The following ITPR2 variants were observed in gnomAD, a reference collection of about 807,000 sequenced individuals.
The protein encoded by ITPR2 is inositol 1,4,5-trisphosphate receptor type 2.
Under a neutral mutation model 317.1 loss-of-function variants are expected in ITPR2, and 207 were observed. The observed-to-expected ratio is 0.65, with a 90% CI of 0.58 to 0.73. ITPR2 has a LOEUF of 0.73. ITPR2 is among the 30% of genes least tolerant of loss of function. The pLI is 0.00. For synonymous variants in ITPR2, 1,156 were observed against 1,149.1 expected (o/e 1.01, Z -0.12); for missense variants, 2,613 against 3,284.0 (o/e 0.80, Z 4.99).
chr12:26,602,948 T>G (rs1397857526), intron 26 of ITPR2, among the ~76,000 whole-genome samples: 4 of 152,230 alleles, frequency 2.6e-5, no homozygotes, highest in African/African-American at 9.6e-5. Flanking sequence ...TATAATTATA[T>G]GAGTTAAATT....
chr12:26,671,073 T>A (rs370720715), intron 13 of ITPR2, among the ~76,000 whole-genome samples: 3 of 152,006 alleles, frequency 2.0e-5, no homozygotes. Flanking sequence ...CTACGTCTGA[T>A]TGGTGTACCT....
At chr12:26,498,011 C>A (rs930313520) in intron 37 of ITPR2, among the ~76,000 whole-genome samples, 1 of 152,212 alleles carries the variant, frequency 6.6e-6, no homozygotes, top group Non-Finnish European at 1.5e-5. Flanking sequence ...GCTGGGATTA[C>A]AGGCATGAGC....
chr12:26,351,852 T>G (rs1234163557), intron 55 of ITPR2, among the ~76,000 whole-genome samples: 1 of 152,372 alleles, frequency 6.6e-6, no homozygotes, highest in South Asian at 2.1e-4. Flanking sequence ...ATCTGAGTTA[T>G]CATCTCCTGT....
intron 54 of ITPR2, among the ~76,000 whole-genome samples, chr12:26,388,445 C>A (rs1305293035): frequency 6.6e-6 from 1 of 152,014 alleles, no homozygotes; most frequent in Non-Finnish European, 1.5e-5. Flanking sequence ...TAAGTTCACT[C>A]AGGGATGTAG....
intron 39 of ITPR2, 135 bp downstream of exon 39, chr12:26,494,018 T>C: frequency 1.7e-6 from 1 of 590,094 alleles, no homozygotes; most frequent in Non-Finnish European, 2.7e-6. Context: ...TTAAGAAAAG[T>C]GTGATACATG....
chr12:26,758,252 T>C (rs771163016), intron 2 of ITPR2, among the ~76,000 whole-genome samples: 1 of 152,256 alleles, frequency 6.6e-6, no homozygotes, highest in African/African-American at 2.4e-5. Flanking sequence ...TCATTTAATA[T>C]ACATTGATGT....
At chr12:26,589,367 C>T (rs1565623603) in intron 32 of ITPR2, among the ~76,000 whole-genome samples, 1 of 152,072 alleles carries the variant, frequency 6.6e-6, no homozygotes, top group Non-Finnish European at 1.5e-5. Flanking sequence ...TGACTTTAGA[C>T]AGCTTTACTC....
At chr12:26,448,339 T>G (rs1941660336) in intron 45 of ITPR2, among the ~76,000 whole-genome samples, 1 of 150,916 alleles carries the variant, frequency 6.6e-6, no homozygotes, top group South Asian at 2.1e-4. Context: ...TTTGGGCAAC[T>G]GCATTGAATG....
chr12:26,528,520 A>G (rs78440544), intron 37 of ITPR2, among the ~76,000 whole-genome samples: 1 of 152,242 alleles, frequency 6.6e-6, no homozygotes, highest in African/African-American at 2.4e-5. Context: ...ATTTCTTCAC[A>G]GGTCACTGAA....
At chr12:26,632,581 C>T (rs1946779770) in intron 21 of ITPR2, among the ~76,000 whole-genome samples, 3 of 152,102 alleles carry the variant, frequency 2.0e-5, no homozygotes, top group Admixed American at 6.6e-5. Flanking sequence ...GGACTGTTAC[C>T]TTTATTTTAA....
Position 26,666,018 on chromosome 12 carries a change from G to A in ITPR2, c.1443C>T (p.Phe481=). The A allele has an allele frequency of 1.2e-6, 2 of 1,612,538 alleles. No homozygotes were observed. The highest frequency in any genetic ancestry group is 1.7e-6 in the Non-Finnish European group (2 of 1,179,138). Residue 481 remains phenylalanine, a synonymous_variant, in exon 14 of 57, where the codon TTC becomes TTT. Transcript: ENST00000381340. ...CATTATTAGGCACATCAGCAACAAA[G>A]AATATGAGATCTTCCAATAATTTGG... ...FVTKLLEDLI[F]FVADVPNNGQ... is the part of the protein sequence containing the mutation.
intron 21 of ITPR2, chr12:26,648,746 T>C (rs1420505822): frequency 1.3e-5 from 2 of 152,148 alleles, no homozygotes; most frequent in Admixed American, 6.5e-5. Flanking sequence ...TCTTTTTTTT[T>C]CTCTAGGTAC....
intron 35 of ITPR2, among the ~76,000 whole-genome samples, chr12:26,556,803 G>T (rs1396273534): frequency 6.7e-6 from 1 of 149,914 alleles, no homozygotes; most frequent in Non-Finnish European, 1.5e-5. Flanking sequence ...TTCCAGCCAG[G>T]TGCGGTGCCT....
intron 2 of ITPR2, among the ~76,000 whole-genome samples, chr12:26,736,716 T>C (rs1949124254): frequency 6.6e-6 from 1 of 152,180 alleles, no homozygotes; most frequent in Admixed American, 6.5e-5. Flanking sequence ...AATAAGTGAA[T>C]ACTGTGCTGA....
At chr12:26,614,671 CAT>C (rs1435905774) in intron 26 of ITPR2, among the ~76,000 whole-genome samples, 1 of 152,108 alleles carries the variant, frequency 6.6e-6, no homozygotes, top group Non-Finnish European at 1.5e-5. Flanking sequence ...AGAACTTAAA[CAT>C]ATACTGCTAA....
chr12:26,388,635 T>C (rs1035753786), intron 54 of ITPR2, among the ~76,000 whole-genome samples: 1 of 151,916 alleles, frequency 6.6e-6, no homozygotes, highest in African/African-American at 2.4e-5. Flanking sequence ...TGTATCTTTT[T>C]TTTTTTCTCT....
chr12:26,626,436 C>A (rs1163572095), intron 23 of ITPR2, among the ~76,000 whole-genome samples: 2 of 152,136 alleles, frequency 1.3e-5, no homozygotes, highest in Non-Finnish European at 2.9e-5. Context: ...TCTGGGGTGC[C>A]CCTAGACTTT....
chr12:26,400,070 G>A, intron 53 of ITPR2, 58 bp downstream of exon 53: 1 of 1,530,732 alleles, frequency 6.5e-7, no homozygotes, highest in Non-Finnish European at 8.8e-7. Flanking sequence ...TAAATGCTGT[G>A]AAGAAAGGTT....
chr12:26,607,364 T>C (rs1946156994), intron 26 of ITPR2, among the ~76,000 whole-genome samples: 1 of 152,236 alleles, frequency 6.6e-6, no homozygotes, highest in South Asian at 2.1e-4. Context: ...AATCAGATTA[T>C]AGATTATAAT....
Sources: allele counts gnomAD v4.1 joint callset (sites outside exome capture counted in the v4.1 genomes callset), GRCh38; gene constraint gnomAD v4.1.1; transcripts MANE v1.5; gene names NCBI Gene and HGNC (gene_info 2026-07-23, HGNC 2026-07-21).